The following ZC3H12D variants were observed in gnomAD, a reference collection of about 807,000 sequenced individuals.
ZC3H12D encodes probable ribonuclease ZC3H12D.
ZC3H12D carries 11 observed loss-of-function variants against 24.2 expected under a neutral mutation model. The ratio of observed to expected loss-of-function variants is 0.46; its 90% confidence interval spans 0.29 to 0.75. The LOEUF (loss-of-function observed/expected upper bound fraction) is 0.75, where lower values mean the gene tolerates loss of function less well. Ranked by LOEUF, ZC3H12D falls within the 30% of genes least tolerant of loss-of-function variation. The pLI is 0.11. For missense variants in ZC3H12D, 740 were observed against 767.7 expected, an observed-to-expected ratio of 0.96 and a Z score of 0.43; for synonymous variants, 333 against 341.8, an observed-to-expected ratio of 0.97 and a Z score of 0.28.
At chr6:149,451,504 G>A (rs951565278) in intron 5 of ZC3H12D, 25 bp from the exon 6 acceptor site, 4 of 1,546,442 alleles carry the variant, frequency 2.6e-6, no homozygotes, top group East Asian at 2.5e-5. Flanking sequence ...GGCAGAGAGG[G>A]CGCGACGTGA....
chr6:149,480,729 T>C (rs975114449), intron 1 of ZC3H12D, among the ~76,000 whole-genome samples: 1 of 148,614 alleles, frequency 6.7e-6, no homozygotes, highest in African/African-American at 2.6e-5. Context: ...AGAGCGAAAC[T>C]CTGTCTCAAA....
Position 149,456,548 on chromosome 6 carries a change from G to A in ZC3H12D, c.680+118C>T. The A allele has an allele frequency of 2.4e-6, 2 of 849,926 alleles. No individual in the cohort carries two copies. Among genetic ancestry groups the A allele is most frequent in the Non-Finnish European group, 3.7e-6 (2 of 546,746 alleles). The allele number at this position is 849,926 out of a possible 1,614,324, so 52.6% of individuals were successfully genotyped here. A position where few individuals can be genotyped will look rare whatever the true frequency, so the allele number is the denominator to read the frequency against. On this transcript the variant is annotated intron_variant, in intron 4 of 5. Transcript: ENST00000409806. This position sits in a 1 kb window ranked among gnomAD's most constrained non-coding sequence, Gnocchi z 4.3. ...CGGACCTGGGGGAGCTCTGTCTGAG[G>A]GGCTGGGTGACCGGGTGACCCCAAG...
chr6:149,476,184 T>C (rs1776336936), intron 1 of ZC3H12D, among the ~76,000 whole-genome samples: 1 of 152,220 alleles, frequency 6.6e-6, no homozygotes, highest in African/African-American at 2.4e-5. Context: ...TTATACTTAT[T>C]GCTCAGCAAC....
intron 2 of ZC3H12D, among the ~76,000 whole-genome samples, chr6:149,469,447 G>A (rs939432537): frequency 6.6e-6 from 1 of 151,456 alleles, no homozygotes; most frequent in East Asian, 1.9e-4. Flanking sequence ...GACAGAGCGA[G>A]ACTCCATCTC....
chr6:149,450,620 A>T lies in ZC3H12D; in HGVS notation c.*63T>A, dbSNP rs1337219135. On this transcript the variant is annotated 3_prime_UTR_variant, in exon 6 of 6. Coordinates refer to ENST00000409806, the MANE Select transcript of ZC3H12D (RefSeq NM_207360.3). ...CACTCAGGTCCAGGCTGGCAACCAC[A>T]GGTCCACCCGTCCAAGACGCAAGGC... 2 of 1,425,244 alleles carry T rather than the reference A, an allele frequency of 1.4e-6. No individual in the cohort carries two copies. The highest frequency in any genetic ancestry group is 2.9e-5 in the African/African-American group (2 of 69,320). 88.3% of individuals were successfully genotyped at this position (1,425,244 alleles called of 1,614,324 possible). A position where few individuals can be genotyped will look rare whatever the true frequency, so the allele number is the denominator to read the frequency against.
chr6:149,470,900 C>T (rs759677395), intron 2 of ZC3H12D, among the ~76,000 whole-genome samples: 1 of 152,238 alleles, frequency 6.6e-6, no homozygotes, highest in African/African-American at 2.4e-5. Context: ...GGGCCTTGCC[C>T]TCACTGCGGG....
At chr6:149,454,634 C>T (rs1775951460) in intron 4 of ZC3H12D, among the ~76,000 whole-genome samples, 1 of 152,248 alleles carries the variant, frequency 6.6e-6, no homozygotes, top group Admixed American at 6.5e-5. Context: ...CCAGGGCAGG[C>T]GCCCTCGCTC....
chr6:149,456,913 C>T lies in ZC3H12D; in HGVS notation c.446-13G>A. 6.3e-7 allele frequency: 1 copy of T among 1,589,614 alleles called. No individual in the cohort carries two copies. The highest frequency in any genetic ancestry group is 8.5e-7 in the Non-Finnish European group (1 of 1,171,546). On this transcript the variant is annotated splice_polypyrimidine_tract_variant and intron_variant, in intron 3 of 5. Transcript: ENST00000409806. The surrounding 1 kb of genome is among the most constrained non-coding windows in gnomAD (Gnocchi z 4.3). ...AGCACGTGCTGCTCTGAGGGCGGGG[C>T]GACGGAGACGCGGGTGAGGGCCCAA...
Position 149,456,593 on chromosome 6 carries a change from G to GCGTGGC in ZC3H12D, c.680+67_680+72dup. On this transcript the variant is annotated intron_variant, in intron 4 of 5. Coordinates refer to ENST00000409806, the MANE Select transcript of ZC3H12D (RefSeq NM_207360.3). This position sits in a 1 kb window ranked among gnomAD's most constrained non-coding sequence, Gnocchi z 4.3. Reference sequence around the variant, plus strand: ...CCCAAGCTCCTCCACCTGGTAGCAGGCGTGGCCACTGCCTCGACCCCGGCC... The same window carrying GCGTGGC: ...CCCAAGCTCCTCCACCTGGTAGCAGGCGTGGCCGTGGCCACTGCCTCGACCCCGGCC... 5 of 1,302,508 alleles carry GCGTGGC rather than the reference G, an allele frequency of 3.8e-6. No homozygotes were observed. In the South Asian group the frequency reaches 6.6e-5, roughly 17 times the overall value. The allele number at this position is 1,302,508 out of a possible 1,614,324, so 80.7% of individuals were successfully genotyped here.
At chr6:149,474,746 T>C in intron 1 of ZC3H12D, 133 bp from the exon 2 acceptor site, 2 of 434,984 alleles carry the variant, frequency 4.6e-6, no homozygotes, top group Non-Finnish European at 8.0e-6. Context: ...CTGGGGACTT[T>C]CAGTTGCTCA....
Position 149,452,176 on chromosome 6 carries a change from A to G in ZC3H12D, c.787+440T>C, listed in dbSNP as rs1775913300. 1 of 162,166 alleles carries G rather than the reference A, an allele frequency of 6.2e-6. No homozygotes were observed. Among genetic ancestry groups the G allele is most frequent in the African/African-American group, 2.4e-5 (1 of 41,910 alleles). The allele number at this position is 162,166 out of a possible 1,614,324, so 10.0% of individuals were successfully genotyped here. ...AAGCAAGTCAGTGAAAGAGCTGGCT[A>G]GAAGGCTGGCATCCCCCAGGGTGCT... On this transcript the variant is annotated intron_variant, in intron 5 of 5. Transcript: ENST00000409806. The surrounding 1 kb of genome is among the most constrained non-coding windows in gnomAD (Gnocchi z 4.0).
At chr6:149,472,132 G>T (rs1293459490) in intron 2 of ZC3H12D, among the ~76,000 whole-genome samples, 1 of 152,238 alleles carries the variant, frequency 6.6e-6, no homozygotes, top group Non-Finnish European at 1.5e-5. Context: ...GGAGGGACAT[G>T]AGTCCTGTTA....
rs1775849713 is a variant in ZC3H12D, at chr6:149,449,650, G to C, written c.*1033C>G. Reference sequence around the variant, plus strand: ...GACAGGGTTTCACCATGTTGGCCAGGCTGGTCTCGAACTCCTGACCTCAAG... The same window carrying C: ...GACAGGGTTTCACCATGTTGGCCAGCCTGGTCTCGAACTCCTGACCTCAAG... On this transcript the variant is annotated 3_prime_UTR_variant, in exon 6 of 6. Transcript: ENST00000409806. 6.6e-6 allele frequency: 1 copy of C among 152,034 alleles called. No homozygotes were observed. The highest frequency in any genetic ancestry group is 6.6e-5 in the Admixed American group (1 of 15,264). 9.4% of individuals were successfully genotyped at this position (152,034 alleles called of 1,614,324 possible). A position where few individuals can be genotyped will look rare whatever the true frequency, so the allele number is the denominator to read the frequency against.
At chr6:149,481,026 TGCAGCC>T (rs1776417728) in intron 1 of ZC3H12D, among the ~76,000 whole-genome samples, 2 of 151,688 alleles carry the variant, frequency 1.3e-5, no homozygotes, top group Admixed American at 1.3e-4. Context: ...GAGGTCCACC[TGCAGCC>T]CAGACTCCAT....
intron 3 of ZC3H12D, among the ~76,000 whole-genome samples, chr6:149,460,212 C>G (rs1270798331): frequency 6.6e-6 from 1 of 152,220 alleles, no homozygotes; most frequent in Non-Finnish European, 1.5e-5. Context: ...AAAATCCGAC[C>G]AACATGATGT....
At chr6:149,469,873 C>T (rs943073324) in intron 2 of ZC3H12D, among the ~76,000 whole-genome samples, 2 of 152,114 alleles carry the variant, frequency 1.3e-5, no homozygotes, top group African/African-American at 2.4e-5. Flanking sequence ...AGCCAGAGCC[C>T]GCCTCTGGGT....
At chr6:149,463,486 G>T (rs903997952) in intron 2 of ZC3H12D, among the ~76,000 whole-genome samples, 3 of 152,218 alleles carry the variant, frequency 2.0e-5, no homozygotes, top group Non-Finnish European at 4.4e-5. Context: ...CGAGGCAGGT[G>T]GATCATGAGG....
chr6:149,482,387 G>A (rs1021323031), intron 1 of ZC3H12D, among the ~76,000 whole-genome samples: 24 of 152,196 alleles, frequency 1.6e-4, no homozygotes, highest in African/African-American at 4.8e-4. Context: ...AAATCTGAAC[G>A]ACTTCATTTC....
In ZC3H12D at chr6:149,474,469, G is replaced by A; in HGVS notation, c.75C>T (p.Gly25=). The A allele has an allele frequency of 6.3e-7, 1 of 1,591,952 alleles. No individual in the cohort carries two copies. Among genetic ancestry groups the A allele is most frequent in the South Asian group, 1.1e-5 (1 of 89,746 alleles). The change falls in exon 2 of 6, where the codon GGC becomes GGT. Residue 25 remains glycine (G), a synonymous_variant. Coordinates refer to ENST00000409806, the MANE Select transcript of ZC3H12D (RefSeq NM_207360.3). ...YDREDVLRVL[G]KLGEGALVND... The stretch of plus-strand genomic sequence containing the variant: ...TGACCAGGGCGCCCTCGCCCAGCTT[G>A]CCCAACACCCGGAGCACATCCTCCC...
Sources: allele counts gnomAD v4.1 joint callset (sites outside exome capture counted in the v4.1 genomes callset), GRCh38; gene constraint gnomAD v4.1.1; non-coding constraint Gnocchi (gnomAD v3.1); transcripts MANE v1.5; gene names NCBI Gene and HGNC (gene_info 2026-07-23, HGNC 2026-07-21).